FAF1: variants seen among roughly 807,000 people sequenced by gnomAD.
FAF1 encodes the protein FAS-associated factor 1.
In FAF1, 25 loss-of-function variants were observed where a neutral mutation model predicts 92.5. The observed-to-expected ratio is 0.27, with a 90% CI of 0.20 to 0.38. FAF1 has a LOEUF of 0.38. Ranked by LOEUF, FAF1 falls within the 10% of genes least tolerant of loss-of-function variation. The pLI, the probability that FAF1 is intolerant of heterozygous loss-of-function variation, is 1.00. For synonymous variants in FAF1, 234 were observed against 273.2 expected, an observed-to-expected ratio of 0.86 and a Z score of 1.42; for missense variants, 636 against 793.3, an observed-to-expected ratio of 0.80 and a Z score of 2.38.
chr1:50,692,463 C>G (rs1656981679), intron 7 of FAF1, among the ~76,000 whole-genome samples: 1 of 152,050 alleles, frequency 6.6e-6, no homozygotes, highest in Non-Finnish European at 1.5e-5. Flanking sequence ...CGTCCACACC[C>G]CACCACCAGC....
chr1:50,908,839 C>G (rs943274130), intron 1 of FAF1, among the ~76,000 whole-genome samples: 1 of 152,148 alleles, frequency 6.6e-6, no homozygotes, highest in Non-Finnish European at 1.5e-5. Context: ...ATTTGCCAGT[C>G]TGTGTCTTTT....
At chr1:50,948,926 A>C (rs1189715411) in intron 1 of FAF1, among the ~76,000 whole-genome samples, 2 of 152,170 alleles carry the variant, frequency 1.3e-5, no homozygotes, top group Non-Finnish European at 2.9e-5. Context: ...ATCCACCCCC[A>C]TGATCCAATA....
chr1:50,457,217 T>G (rs1057294174), intron 18 of FAF1, among the ~76,000 whole-genome samples: 4 of 151,640 alleles, frequency 2.6e-5, no homozygotes, highest in African/African-American at 7.3e-5. Context: ...AACCTGAAGA[T>G]TCAGATTTAG....
intron 18 of FAF1, among the ~76,000 whole-genome samples, chr1:50,472,422 C>CAA (rs1491565796): frequency 7.6e-6 from 1 of 131,398 alleles, no homozygotes; most frequent in South Asian, 2.4e-4. Flanking sequence ...CACACACACA[C>CAA]AAACCCCAAA....
intron 2 of FAF1, among the ~76,000 whole-genome samples, chr1:50,823,446 T>C (rs1277523685): frequency 1.3e-5 from 2 of 152,174 alleles, no homozygotes; most frequent in African/African-American, 4.8e-5. Context: ...TTAAGCAGAA[T>C]ACAGCAAGTG....
chr1:50,917,675 AAAGGAAAGGAAAGG>A (rs1398420341), intron 1 of FAF1, among the ~76,000 whole-genome samples: 4 of 150,594 alleles, frequency 2.7e-5, no homozygotes, highest in African/African-American at 9.8e-5. Flanking sequence ...AAAGGAAAGG[AAAGGAAAGGAAAGG>A]AAAGGAAAGG....
intron 15 of FAF1, among the ~76,000 whole-genome samples, chr1:50,493,773 GAA>G (rs946458362): frequency 2.0e-4 from 30 of 152,156 alleles, no homozygotes; most frequent in African/African-American, 7.2e-4. Context: ...AACAATTAAA[GAA>G]AAAGACATAG....
At chr1:50,719,456 G>A (rs943923012) in intron 6 of FAF1, among the ~76,000 whole-genome samples, 1 of 152,098 alleles carries the variant, frequency 6.6e-6, no homozygotes, top group Non-Finnish European at 1.5e-5. Flanking sequence ...TAAACATTTG[G>A]TTTCACATAA....
chr1:50,448,407 A>G (rs1646254209), intron 18 of FAF1, among the ~76,000 whole-genome samples: 2 of 152,214 alleles, frequency 1.3e-5, no homozygotes, highest in Non-Finnish European at 2.9e-5. Context: ...GTGAGGGTCA[A>G]TAATATAAAA....
At chr1:50,835,570 C>CAAAAAA (rs573942977) in intron 2 of FAF1, among the ~76,000 whole-genome samples, 15 of 54,812 alleles carry the variant, frequency 2.7e-4, no homozygotes, top group South Asian at 1.7e-3. Flanking sequence ...GACTCCATCT[C>CAAAAAA]AAAAAAAAAA....
chr1:50,689,594 A>AAAAAC (rs888379270), intron 7 of FAF1, among the ~76,000 whole-genome samples: 10 of 152,238 alleles, frequency 6.6e-5, no homozygotes, highest in African/African-American at 2.2e-4. Flanking sequence ...AAAAAAAACA[A>AAAAAC]AAAACAAAAC....
At chr1:50,499,363 G>GTTTTTT (rs199637214) in intron 15 of FAF1, among the ~76,000 whole-genome samples, 38 of 110,092 alleles carry the variant, frequency 3.5e-4, no homozygotes, top group Admixed American at 3.0e-3. Context: ...TAGCTGTAGG[G>GTTTTTT]TTTTTTTTTT....
At chr1:50,668,399 G>C (rs141594276) in intron 7 of FAF1, among the ~76,000 whole-genome samples, 1 of 152,304 alleles carries the variant, frequency 6.6e-6, no homozygotes, top group East Asian at 1.9e-4. Context: ...CAGGTTATCT[G>C]AGTCTAACTT....
At position 50,826,846 on chromosome 1, in the gene FAF1, A is replaced by T. The variant is rs544068773; in HGVS notation, c.115-25169T>A. On this transcript the variant is annotated intron_variant, in intron 2 of 18. Coordinates refer to ENST00000396153, the MANE Select transcript of FAF1 (RefSeq NM_007051.3). ...TACTAAAGATACCAAATCTTTAATT[A>T]AAAACCTTCTCACAAAAAAATTCCA... Among the ~76,000 whole-genome samples the T allele has an allele frequency of 2.0e-5, 3 of 152,350 alleles. No individual in the cohort carries two copies. In the South Asian group the frequency reaches 6.2e-4, roughly 32 times the overall value.
intron 18 of FAF1, among the ~76,000 whole-genome samples, chr1:50,460,901 T>C (rs1417256587): frequency 6.6e-6 from 1 of 152,094 alleles, no homozygotes; most frequent in Non-Finnish European, 1.5e-5. Flanking sequence ...CTTCCTTCTG[T>C]CTTGGCCTCC....
chr1:50,554,390 T>TATAGAGAGAGAGAGAGAGAGAG, intron 13 of FAF1, among the ~76,000 whole-genome samples: 38 of 93,680 alleles, frequency 4.1e-4, no homozygotes, highest in African/African-American at 1.8e-3. Context: ...TATATATATA[T>TATAGAGAGAGAGAGAGAGAGAG]AGAGAGAGAG....
rs971811143 is a variant in FAF1 at position 50,439,635 on chromosome 1, G to C, written c.*1805C>G. 2 of 152,100 alleles carry C rather than the reference G, an allele frequency of 1.3e-5. No individual in the cohort carries two copies. Among genetic ancestry groups the C allele is most frequent in the Admixed American group, 6.5e-5 (1 of 15,274 alleles). The allele number at this position is 152,100 out of a possible 1,614,324, so 9.4% of individuals were successfully genotyped here. On this transcript the variant is annotated 3_prime_UTR_variant, in exon 19 of 19. Transcript: ENST00000396153. ...CACCCACACCCCTGCTGCTGTTCCT[G>C]AGTATGACCTGAGTTCAGGGCTGCA...
intron 4 of FAF1, among the ~76,000 whole-genome samples, chr1:50,763,516 C>T (rs1011893552): frequency 6.6e-6 from 1 of 152,092 alleles, no homozygotes; most frequent in African/African-American, 2.4e-5. Flanking sequence ...ACTCTCTCCT[C>T]TATTTTAGGG....
chr1:50,441,618 T>C (rs1000076776), intron 18 of FAF1, 95 bp from the exon 19 acceptor site: 3 of 582,026 alleles, frequency 5.2e-6, no homozygotes, highest in African/African-American at 3.8e-5. Context: ...ATTCTGAAAC[T>C]ATGCACTGGC....
Sources: allele counts gnomAD v4.1 joint callset (sites outside exome capture counted in the v4.1 genomes callset), GRCh38; gene constraint gnomAD v4.1.1; transcripts MANE v1.5; gene names NCBI Gene and HGNC (gene_info 2026-07-23, HGNC 2026-07-21).